CALN1: variants seen among roughly 807,000 people sequenced by gnomAD.
The protein encoded by CALN1 is calcium-binding protein 8.
CALN1 carries 17 observed loss-of-function variants against 30.6 expected under a neutral mutation model. That is an observed-to-expected ratio of 0.56 (90% CI 0.38 to 0.83). The LOEUF is 0.83. Among genes scored for constraint, CALN1 ranks in the 40% least tolerant of loss-of-function variants. The pLI is 0.00. For synonymous variants in CALN1, 156 were observed against 131.4 expected (o/e 1.19, Z -1.28); for missense variants, 291 against 354.9 (o/e 0.82, Z 1.45).
intron 4 of CALN1, among the ~76,000 whole-genome samples, chr7:72,026,886 A>C (rs1249934629): frequency 6.6e-6 from 1 of 150,448 alleles, no homozygotes; most frequent in Non-Finnish European, 1.5e-5. Flanking sequence ...TCTGAAAGCT[A>C]ACTCCACGTG....
At chr7:72,267,357 C>T (rs1796665651) in intron 3 of CALN1, among the ~76,000 whole-genome samples, 1 of 152,208 alleles carries the variant, frequency 6.6e-6, no homozygotes, top group Non-Finnish European at 1.5e-5. Context: ...TAAAGTCATG[C>T]TCATGGCCAG....
At chr7:72,087,133 A>G (rs368904023) in intron 4 of CALN1, among the ~76,000 whole-genome samples, 12 of 152,358 alleles carry the variant, frequency 7.9e-5, no homozygotes, top group African/African-American at 2.6e-4. Flanking sequence ...CAGTACTATT[A>G]AAGTCAGAAA....
intron 1 of CALN1, among the ~76,000 whole-genome samples, chr7:72,422,412 C>T (rs935286305): frequency 6.6e-6 from 1 of 152,168 alleles, no homozygotes; most frequent in Non-Finnish European, 1.5e-5. Flanking sequence ...ACCACAAGCC[C>T]CCCTGGCTGT....
the CALN1 span, among the ~76,000 whole-genome samples, chr7:72,486,411 G>A: frequency 5.9e-5 from 9 of 151,534 alleles, no homozygotes; most frequent in Non-Finnish European, 1.0e-4. Context: ...TTGTTCTGTC[G>A]CCCAGGCTGG....
At chr7:72,458,203 A>T in the CALN1 span, among the ~76,000 whole-genome samples, 249 of 116,896 alleles carry the variant, frequency 2.1e-3, 7 homozygotes, top group African/African-American at 5.0e-3. Flanking sequence ...TATAATATAT[A>T]ATATATTTTA....
At chr7:72,060,508 C>CTGTAAGT (rs1461178837) in intron 4 of CALN1, among the ~76,000 whole-genome samples, 1 of 152,160 alleles carries the variant, frequency 6.6e-6, no homozygotes, top group Non-Finnish European at 1.5e-5. Context: ...CTGGGCTCAC[C>CTGTAAGT]TGTAAGTTGT....
chr7:72,132,797 A>G (rs1180454750), intron 3 of CALN1, among the ~76,000 whole-genome samples: 3 of 152,132 alleles, frequency 2.0e-5, no homozygotes, highest in Admixed American at 2.0e-4. Flanking sequence ...GCCCATCAGA[A>G]AAGTTAAAGT....
chr7:72,100,337 A>AGACG (rs1806560903), intron 4 of CALN1, among the ~76,000 whole-genome samples: 1 of 151,896 alleles, frequency 6.6e-6, no homozygotes, highest in South Asian at 2.1e-4. Flanking sequence ...GTGTACCACT[A>AGACG]TGCCCAGCTA....
intron 3 of CALN1, among the ~76,000 whole-genome samples, chr7:72,132,137 T>C (rs1809193256): frequency 6.6e-6 from 1 of 152,280 alleles, no homozygotes; most frequent in Admixed American, 6.5e-5. Flanking sequence ...CAACTTAGGA[T>C]AAGGTTATGT....
intron 5 of CALN1, among the ~76,000 whole-genome samples, chr7:71,953,916 G>C (rs995410869): frequency 6.6e-6 from 1 of 152,224 alleles, no homozygotes; most frequent in Non-Finnish European, 1.5e-5. Context: ...GGCAAGGTGG[G>C]GTTGGTGGTT....
At chr7:71,887,458 G>C (rs554582876) in intron 5 of CALN1, among the ~76,000 whole-genome samples, 1 of 152,116 alleles carries the variant, frequency 6.6e-6, no homozygotes, top group African/African-American at 2.4e-5. Flanking sequence ...ACCACGCCTG[G>C]CTAATTTTGT....
At chr7:71,882,850 TTGTGTGTGTGTGTGTGTGTGTGTGTGTG>T (rs34870061) in intron 5 of CALN1, among the ~76,000 whole-genome samples, 16 of 131,024 alleles carry the variant, frequency 1.2e-4, no homozygotes, top group African/African-American at 3.7e-4. Flanking sequence ...CCCATCTAAT[TTGTGTGTGTGTGTGTGTGTGTGTGTGTG>T]TGTGTGTGTG....
At chr7:72,330,047 T>C (rs1801557057) in intron 2 of CALN1, among the ~76,000 whole-genome samples, 1 of 151,758 alleles carries the variant, frequency 6.6e-6, no homozygotes, top group Non-Finnish European at 1.5e-5. Context: ...TCCCAGCACT[T>C]TGGGAGGCTG....
At chr7:72,395,665 G>A (rs977080083) in intron 2 of CALN1, among the ~76,000 whole-genome samples, 3 of 152,070 alleles carry the variant, frequency 2.0e-5, no homozygotes, top group Non-Finnish European at 4.4e-5. Flanking sequence ...CAAGAGGTGG[G>A]GTCCAAGAAT....
chr7:72,315,571 G>T (rs1800384739), intron 2 of CALN1, among the ~76,000 whole-genome samples: 1 of 151,972 alleles, frequency 6.6e-6, no homozygotes, highest in Non-Finnish European at 1.5e-5. Flanking sequence ...ATGGTGTGGT[G>T]GTGGATGCCT....
chr7:72,199,259 A>C (rs1791247354), intron 3 of CALN1, among the ~76,000 whole-genome samples: 1 of 152,194 alleles, frequency 6.6e-6, no homozygotes, highest in Non-Finnish European at 1.5e-5. Context: ...TGGATGACAG[A>C]GCGAGACCCT....
chr7:72,484,578 T>C, the CALN1 span, among the ~76,000 whole-genome samples: 2 of 152,040 alleles, frequency 1.3e-5, no homozygotes, highest in African/African-American at 4.8e-5. Context: ...CTAATCAATA[T>C]CCAGCTGAAT....
In CALN1 at chr7:71,973,094, T is replaced by C. The variant is rs143347128; in HGVS notation, c.501+50563A>G. Among the ~76,000 whole-genome samples, 673 of 152,234 alleles carry C rather than the reference T, an allele frequency of 4.4e-3. 9 individuals carry two copies. Among genetic ancestry groups the C allele is most frequent in the African/African-American group, 0.016 (649 of 41,552 alleles). On this transcript the variant is annotated intron_variant, in intron 5 of 6. Transcript: ENST00000395275. The stretch of plus-strand genomic sequence containing the variant: ...ATGGTCTCATTAACAGCAACATAAG[T>C]AGGTGCTCTCTATTTTTGAAAAAAT...
chr7:72,241,505 G>T (rs1318787153), intron 3 of CALN1, among the ~76,000 whole-genome samples: 1 of 152,080 alleles, frequency 6.6e-6, no homozygotes, highest in East Asian at 1.9e-4. Context: ...TCAGGAGTTC[G>T]AGAGCAGCCT....
Sources: allele counts gnomAD v4.1 joint callset (sites outside exome capture counted in the v4.1 genomes callset), GRCh38; gene constraint gnomAD v4.1.1; transcripts MANE v1.5; gene names NCBI Gene and HGNC (gene_info 2026-07-23, HGNC 2026-07-21).